MVB12B: variants seen among roughly 807,000 people sequenced by gnomAD.
MVB12B encodes the protein multivesicular body subunit 12B.
Under a neutral mutation model 41.6 loss-of-function variants are expected in MVB12B, and 16 were observed. That is an observed-to-expected ratio of 0.38 (90% CI 0.26 to 0.58). The LOEUF is 0.58. Ranked by LOEUF, MVB12B falls within the 20% of genes least tolerant of loss-of-function variation. The pLI is 0.62. For missense variants in MVB12B, 274 were observed against 380.2 expected (o/e 0.72, Z 2.32); for synonymous variants, 133 against 139.7 (o/e 0.95, Z 0.34).
At chr9:126,414,798 C>T (rs970901954) in intron 6 of MVB12B, among the ~76,000 whole-genome samples, 1 of 152,054 alleles carries the variant, frequency 6.6e-6, no homozygotes, top group Non-Finnish European at 1.5e-5. Context: ...CACCAGCCAC[C>T]ATCATTCTCG....
At chr9:126,442,491 G>T (rs1397046020) in intron 7 of MVB12B, among the ~76,000 whole-genome samples, 1 of 152,174 alleles carries the variant, frequency 6.6e-6, no homozygotes, top group Admixed American at 6.5e-5. Flanking sequence ...TATCATGCCA[G>T]TAACAAACAC....
In MVB12B at chr9:126,459,231, G is replaced by C. The variant is rs900550495; in HGVS notation, c.758-22138G>C. On this transcript the variant is annotated intron_variant, in intron 7 of 9. Transcript: ENST00000361171. This position sits in a 1 kb window ranked among gnomAD's most constrained non-coding sequence, Gnocchi z 4.3. ...CCTTGTCGTAAACTCAGAGTGTCAC[G>C]AGCCTGGCCTGCTGAGTGGTGCCAG... 1.3e-5 allele frequency among the ~76,000 whole-genome samples: 2 copies of C among 152,200 alleles called. No individual in the cohort carries two copies. The highest frequency in any genetic ancestry group is 4.8e-5 in the African/African-American group (2 of 41,454).
chr9:126,335,715 C>T (rs1273797192), intron 1 of MVB12B, among the ~76,000 whole-genome samples: 1 of 152,212 alleles, frequency 6.6e-6, no homozygotes, highest in Admixed American at 6.5e-5. Context: ...GCGTTTCCTA[C>T]GGCGAATGAA....
intron 2 of MVB12B, among the ~76,000 whole-genome samples, chr9:126,345,536 A>G (rs1034441673): frequency 2.0e-5 from 3 of 152,244 alleles, no homozygotes; most frequent in Non-Finnish European, 4.4e-5. Context: ...GGGCATATCT[A>G]GAAGAGCAAA....
Position 126,475,644 on chromosome 9 carries a change from G to A in MVB12B, c.758-5725G>A, listed in dbSNP as rs561209973. ...GTGAGAAGGGCACTGTGAGAGCCCC[G>A]CTCCTCTTGATTCAGCTCCCACTGT... On this transcript the variant is annotated intron_variant, in intron 7 of 9. Coordinates refer to ENST00000361171, the MANE Select transcript of MVB12B (RefSeq NM_033446.3). Among the ~76,000 whole-genome samples the A allele has an allele frequency of 9.2e-5, 14 of 152,212 alleles. No individual in the cohort carries two copies. The South Asian group carries it at 2.1e-3, about 23-fold the overall frequency.
chr9:126,460,865 A>ATAT (rs1833073695), intron 7 of MVB12B, among the ~76,000 whole-genome samples: 1 of 152,116 alleles, frequency 6.6e-6, no homozygotes, highest in Non-Finnish European at 1.5e-5. Flanking sequence ...AATAATAATA[A>ATAT]TATACACACA....
At chr9:126,356,945 G>A (rs968600673) in intron 2 of MVB12B, among the ~76,000 whole-genome samples, 1 of 151,898 alleles carries the variant, frequency 6.6e-6, no homozygotes, top group Admixed American at 6.6e-5. Context: ...GTAGAACCAT[G>A]AGCCAATTAA....
chr9:126,326,921 G>A lies in MVB12B; in HGVS notation c.-9G>A. 3.8e-6 allele frequency: 1 copy of A among 262,096 alleles called. No individual in the cohort carries two copies. The highest frequency in any genetic ancestry group is 7.7e-6 in the Non-Finnish European group (1 of 130,474). 16.2% of individuals were successfully genotyped at this position (262,096 alleles called of 1,614,324 possible). On this transcript the variant is annotated 5_prime_UTR_variant, in exon 1 of 10. Transcript: ENST00000361171. ...CCCCGGGCCCGGCCCCTCCCGCGCCGCCCGGGCGATGAGAAGCTGCTTCTG... is the reference window on the plus strand; with the variant it reads ...CCCCGGGCCCGGCCCCTCCCGCGCCACCCGGGCGATGAGAAGCTGCTTCTG...
chr9:126,455,560 C>G (rs1832964637), intron 7 of MVB12B, among the ~76,000 whole-genome samples: 1 of 152,194 alleles, frequency 6.6e-6, no homozygotes, highest in Non-Finnish European at 1.5e-5. Flanking sequence ...TCATCACTCA[C>G]TGCAGCCTCG....
intron 2 of MVB12B, among the ~76,000 whole-genome samples, chr9:126,363,309 G>T (rs890619552): frequency 2.2e-4 from 34 of 152,158 alleles, no homozygotes. Flanking sequence ...TTAGATTATG[G>T]TTTAGGATGA....
chr9:126,465,058 A>G (rs1345784971), intron 7 of MVB12B, among the ~76,000 whole-genome samples: 1 of 152,164 alleles, frequency 6.6e-6, no homozygotes, highest in Non-Finnish European at 1.5e-5. Context: ...CCCAGGACCT[A>G]CTTTTACCTT....
rs1829425292 is a variant in MVB12B at position 126,340,796 on chromosome 9, G to A, written c.204+166G>A. ...TCCTGGTTTGGGAGTCAGAAGACCT[G>A]AGCCCATCTGGGCCGTTTCCTGGCC... On this transcript the variant is annotated intron_variant, in intron 2 of 9. Coordinates refer to ENST00000361171, the MANE Select transcript of MVB12B (RefSeq NM_033446.3). This position sits in a 1 kb window ranked among gnomAD's most constrained non-coding sequence, Gnocchi z 4.0. Among the ~76,000 whole-genome samples the A allele has an allele frequency of 6.6e-6, 1 of 152,164 alleles. No individual in the cohort carries two copies.
intron 1 of MVB12B, among the ~76,000 whole-genome samples, chr9:126,336,754 G>GCACACACGCACA (rs1554766436): frequency 6.7e-6 from 1 of 150,292 alleles, no homozygotes; most frequent in African/African-American, 2.5e-5. Context: ...GTGTGTGCAC[G>GCACACACGCACA]CACACACACA....
rs1261047035 is a variant in MVB12B at position 126,503,194 on chromosome 9, C to A, written c.891C>A (p.Arg297=). The change falls in exon 10 of 10, where the codon CGC becomes CGA. Residue 297 remains arginine, a synonymous_variant. Transcript: ENST00000361171. ...EIEKEYEYSF[R]TEQSAAARLP... ...CCCTGCAGTACGAGTACAGCTTCCG[C>A]ACAGAGCAGAGCGCAGCCGCCAGGC... The A allele has an allele frequency of 6.4e-7, 1 of 1,550,906 alleles. No individual in the cohort carries two copies. The highest frequency in any genetic ancestry group is 2.0e-5 in the Admixed American group (1 of 51,080).
At chr9:126,407,270 A>G (rs1009847905) in intron 6 of MVB12B, among the ~76,000 whole-genome samples, 4 of 151,952 alleles carry the variant, frequency 2.6e-5, no homozygotes, top group African/African-American at 9.7e-5. Flanking sequence ...GTAGTCACCA[A>G]CAGTAACTGC....
intron 6 of MVB12B, among the ~76,000 whole-genome samples, chr9:126,415,219 C>T (rs1036648116): frequency 6.6e-6 from 1 of 152,112 alleles, no homozygotes; most frequent in African/African-American, 2.4e-5. Context: ...GACAATCCAA[C>T]CTGTTTATTC....
chr9:126,503,283 G>A lies in MVB12B; in HGVS notation c.*20G>A, dbSNP rs756130123. ...TCCTGAGGAGCCAGCGGCCACCTGC[G>A]GGGAGACCACCGCCGCCCAGACTAC... On this transcript the variant is annotated 3_prime_UTR_variant, in exon 10 of 10. Coordinates refer to ENST00000361171, the MANE Select transcript of MVB12B (RefSeq NM_033446.3). The A allele has an allele frequency of 7.1e-6, 11 of 1,546,058 alleles. 1 individual carries two copies. Among genetic ancestry groups the A allele is most frequent in the South Asian group, 4.8e-5 (4 of 83,940 alleles).
intron 9 of MVB12B, among the ~76,000 whole-genome samples, chr9:126,500,430 G>T (rs939529924): frequency 6.6e-6 from 1 of 151,944 alleles, no homozygotes; most frequent in Non-Finnish European, 1.5e-5. Flanking sequence ...ACAGCGTGTG[G>T]TCTCTGGCCC....
chr9:126,479,735 A>C (rs888741705), intron 7 of MVB12B, among the ~76,000 whole-genome samples: 1 of 152,162 alleles, frequency 6.6e-6, no homozygotes, highest in Non-Finnish European at 1.5e-5. Context: ...CCAAGAGAGG[A>C]GGGCGCGGGG....
Sources: allele counts gnomAD v4.1 joint callset (sites outside exome capture counted in the v4.1 genomes callset), GRCh38; gene constraint gnomAD v4.1.1; non-coding constraint Gnocchi (gnomAD v3.1); transcripts MANE v1.5; gene names NCBI Gene and HGNC (gene_info 2026-07-23, HGNC 2026-07-21).